SPATA17: variants seen among roughly 807,000 people sequenced by gnomAD.
The protein encoded by SPATA17 is spermatogenesis-associated protein 17.
A neutral mutation model predicts 62.2 loss-of-function variants in SPATA17; 53 were observed. The ratio of observed to expected loss-of-function variants is 0.85; its 90% CI spans 0.68 to 1.07. The LOEUF (loss-of-function observed/expected upper bound fraction) is 1.07, where lower values mean the gene tolerates loss of function less well. Among genes scored for constraint, SPATA17 ranks in the 50% least tolerant of loss-of-function variants. SPATA17 has a pLI of 0.00. For missense variants in SPATA17, 466 were observed against 425.5 expected, an observed-to-expected ratio of 1.10 and a Z score of -0.84; for synonymous variants, 146 against 146.8, an observed-to-expected ratio of 0.99 and a Z score of 0.04.
At chr1:217,685,098 T>C (rs114625931) in intron 5 of SPATA17, among the ~76,000 whole-genome samples, 6,740 of 145,878 alleles carry the variant, frequency 0.046, 232 homozygotes, top group Middle Eastern at 0.11. Flanking sequence ...GAAGAGCTAG[T>C]AGAGTTTGCA....
intron 6 of SPATA17, among the ~76,000 whole-genome samples, chr1:217,758,444 C>T (rs1278298587): frequency 6.6e-6 from 1 of 152,136 alleles, no homozygotes; most frequent in Non-Finnish European, 1.5e-5. Flanking sequence ...TAATCTTTAT[C>T]AACCTTATAA....
chr1:217,781,818 A>C (rs970583481), intron 7 of SPATA17, among the ~76,000 whole-genome samples: 5 of 152,164 alleles, frequency 3.3e-5, no homozygotes, highest in African/African-American at 1.2e-4. Context: ...TATTTACTCA[A>C]AAAGGGAGAC....
chr1:217,764,728 C>A (rs759234171), intron 6 of SPATA17, among the ~76,000 whole-genome samples: 12 of 152,138 alleles, frequency 7.9e-5, no homozygotes, highest in Non-Finnish European at 1.3e-4. Flanking sequence ...CCATTGCTGG[C>A]ATTTGGTGGT....
intron 3 of SPATA17, among the ~76,000 whole-genome samples, chr1:217,663,336 T>G (rs899655329): frequency 2.0e-5 from 3 of 151,274 alleles, no homozygotes; most frequent in Admixed American, 6.6e-5. Flanking sequence ...TCCCAGCCAC[T>G]CGGGAGGCTG....
intron 9 of SPATA17, among the ~76,000 whole-genome samples, chr1:217,853,902 G>C (rs1675718860): frequency 6.6e-6 from 1 of 152,002 alleles, no homozygotes; most frequent in Non-Finnish European, 1.5e-5. Flanking sequence ...GTACACTTAG[G>C]GTTATTAAAA....
At chr1:217,855,789 T>G (rs1054104101) in intron 9 of SPATA17, among the ~76,000 whole-genome samples, 3 of 148,238 alleles carry the variant, frequency 2.0e-5, no homozygotes, top group African/African-American at 7.5e-5. Context: ...TGCACTGGCA[T>G]GATCTCAGCT....
At chr1:217,699,533 G>C (rs755125259) in intron 5 of SPATA17, among the ~76,000 whole-genome samples, 1 of 151,722 alleles carries the variant, frequency 6.6e-6, no homozygotes, top group Non-Finnish European at 1.5e-5. Context: ...CATGTGTTTT[G>C]CCCATTTTCT....
chr1:217,869,047 G>A lies in SPATA17; in HGVS notation c.*2028G>A, dbSNP rs2103019547. On this transcript the variant is annotated 3_prime_UTR_variant, in exon 11 of 11. Transcript: ENST00000366933. ...AGGTTAAGGACATGCCCTTGACACT[G>A]CACCTGTCAGTACAGGTCCTGACAA... The A allele has an allele frequency of 6.6e-6, 1 of 152,308 alleles. No homozygotes were observed. Among genetic ancestry groups the A allele is most frequent in the Non-Finnish European group, 1.5e-5 (1 of 68,072 alleles). The allele number at this position is 152,308 out of a possible 1,614,324, so 9.4% of individuals were successfully genotyped here. A position where few individuals can be genotyped will look rare whatever the true frequency, so the allele number is the denominator to read the frequency against.
At position 217,682,174 on chromosome 1, in the gene SPATA17, C is replaced by T. The variant is rs184885621; in HGVS notation, c.292-1084C>T. On this transcript the variant is annotated intron_variant, in intron 4 of 10. Transcript: ENST00000366933. Reference sequence around the variant, plus strand: ...TTTAAATAATTTCAGGTATCTTTTCCTAATTAATATCATATATTATTTTGT... The same window carrying T: ...TTTAAATAATTTCAGGTATCTTTTCTTAATTAATATCATATATTATTTTGT... 2.9e-3 allele frequency among the ~76,000 whole-genome samples: 442 copies of T among 151,748 alleles called. 3 individuals are homozygous for T. The highest frequency in any genetic ancestry group is 2.8e-3 in the Non-Finnish European group (193 of 67,908).
intron 5 of SPATA17, among the ~76,000 whole-genome samples, chr1:217,717,481 G>A (rs1339491892): frequency 1.3e-5 from 2 of 151,996 alleles, no homozygotes; most frequent in African/African-American, 4.8e-5. Context: ...CGAGGTGGTG[G>A]GCTCCTGTAG....
chr1:217,723,690 C>T (rs2102936083), intron 5 of SPATA17, among the ~76,000 whole-genome samples: 1 of 152,274 alleles, frequency 6.6e-6, no homozygotes, highest in South Asian at 2.1e-4. Context: ...TCTCATTCTT[C>T]CCTAACTGTG....
At chr1:217,741,888 C>T (rs2102948105) in intron 5 of SPATA17, 87 bp from the exon 6 acceptor site, 1 of 1,473,562 alleles carries the variant, frequency 6.8e-7, no homozygotes, top group Non-Finnish European at 9.3e-7. Flanking sequence ...TGATGGTTGC[C>T]CCTCAAAAAA....
intron 9 of SPATA17, among the ~76,000 whole-genome samples, chr1:217,820,461 A>T (rs1674831219): frequency 6.6e-6 from 1 of 151,942 alleles, no homozygotes; most frequent in Non-Finnish European, 1.5e-5. Flanking sequence ...AAGAATGCAG[A>T]TAATGTTAAA....
chr1:217,804,616 GA>G (rs142145652), intron 9 of SPATA17, among the ~76,000 whole-genome samples: 4,852 of 151,892 alleles, frequency 0.032, 112 homozygotes, highest in Middle Eastern at 0.065. Flanking sequence ...TATGGAATAG[GA>G]AAAAAAATTT....
chr1:217,850,587 TC>T (rs1675627656), intron 9 of SPATA17: 2 of 1,596,460 alleles, frequency 1.3e-6, no homozygotes, highest in Non-Finnish European at 1.7e-6. Flanking sequence ...GGGCTCCACT[TC>T]AAGGGTGATG....
intron 9 of SPATA17, among the ~76,000 whole-genome samples, chr1:217,823,004 T>C (rs1280701324): frequency 2.6e-5 from 4 of 152,004 alleles, no homozygotes; most frequent in African/African-American, 9.7e-5. Context: ...TGTTCCCTTC[T>C]TTTTGTTATG....
chr1:217,802,213 GTTTA>G (rs1571814966), intron 9 of SPATA17, among the ~76,000 whole-genome samples: 2 of 151,994 alleles, frequency 1.3e-5, no homozygotes, highest in Non-Finnish European at 2.9e-5. Context: ...ATGTATGTAT[GTTTA>G]TAGATAGCTA....
chr1:217,757,748 C>G (rs1437014403), intron 6 of SPATA17, among the ~76,000 whole-genome samples: 1 of 151,996 alleles, frequency 6.6e-6, no homozygotes, highest in Non-Finnish European at 1.5e-5. Flanking sequence ...AAAAAATAAC[C>G]AAATAAACAT....
rs150620998 is a variant in SPATA17 at position 217,696,459 on chromosome 1, C to A, written c.395+13098C>A. On this transcript the variant is annotated intron_variant, in intron 5 of 10. Coordinates refer to ENST00000366933, the MANE Select transcript of SPATA17 (RefSeq NM_138796.4). ...TGCAGAAATCACCCGTCTTCTGCGT[C>A]GCTCCGCTCACGCTGGGAGCTGTAG... Among the ~76,000 whole-genome samples, 9 of 152,328 alleles carry A rather than the reference C, an allele frequency of 5.9e-5. No homozygotes were observed. In the East Asian group the frequency reaches 1.5e-3, roughly 26 times the overall value.
Sources: allele counts gnomAD v4.1 joint callset (sites outside exome capture counted in the v4.1 genomes callset), GRCh38; gene constraint gnomAD v4.1.1; transcripts MANE v1.5; gene names NCBI Gene and HGNC (gene_info 2026-07-23, HGNC 2026-07-21).